The following DEAF1 variants were observed in gnomAD, a reference collection of about 807,000 sequenced individuals.
The protein encoded by DEAF1 is DEAF1 transcription factor.
A neutral mutation model predicts 58.9 loss-of-function variants in DEAF1; 53 were observed. The observed-to-expected ratio is 0.90, with a 90% CI of 0.72 to 1.13. The LOEUF (loss-of-function observed/expected upper bound fraction) is 1.13, where lower values mean the gene tolerates loss of function less well. Among genes scored for constraint, DEAF1 ranks in the 50% most tolerant of loss-of-function variants. DEAF1 has a pLI of 0.00. For synonymous variants in DEAF1, 385 were observed against 340.4 expected (o/e 1.13, Z -1.44); for missense variants, 685 against 791.4 (o/e 0.87, Z 1.61).
At chr11:696,380 C>T (rs563781652), upstream of DEAF1, among the ~76,000 whole-genome samples, 109 of 152,300 alleles carry the variant, frequency 7.2e-4, 1 homozygote, top group Admixed American at 5.9e-3. Context: ...CGTGCGTGTT[C>T]TCTAGTAATT....
chr11:697,667 G>C (rs1476609891), upstream of DEAF1: 1 of 152,222 alleles, frequency 6.6e-6, no homozygotes, highest in African/African-American at 2.4e-5. Context: ...CCCAATTAAT[G>C]CGAAATCATC....
intron 1 of DEAF1, chr11:692,452 G>C (rs1390236752): frequency 2.6e-5 from 4 of 153,976 alleles, no homozygotes; most frequent in African/African-American, 9.6e-5. Flanking sequence ...GTTCTAGAAT[G>C]TCCTGTGTCC....
chr11:701,004 C>T (rs1861432072), intron 1 of DEAF1: 1 of 469,352 alleles, frequency 2.1e-6, no homozygotes, highest in African/African-American at 2.0e-5. Flanking sequence ...CCCACCACCA[C>T]ATCTGGAGCT....
upstream of DEAF1, chr11:697,802 C>CT (rs1175300024): frequency 2.6e-5 from 4 of 152,426 alleles, no homozygotes; most frequent in East Asian, 7.7e-4. Flanking sequence ...TGGCTTCCTG[C>CT]TTCCATCCTG....
intron 10 of DEAF1, among the ~76,000 whole-genome samples, chr11:656,575 C>T (rs1647674134): frequency 6.6e-6 from 1 of 152,212 alleles, no homozygotes; most frequent in South Asian, 2.1e-4. Context: ...CCAGGCAGGA[C>T]CCTGGTCCAG....
Position 703,570 on chromosome 11 carries a change from T to C in DEAF1, c.-438+3002A>G, listed in dbSNP as rs564837390. On this transcript the variant is annotated intron_variant, in intron 1 of 11. Transcript: ENST00000683307. ...CCCTAGTTCCCCAATGGTCCTAATT[T>C]GTGTTCTGAGATCCCAGTTTACTCC... 6,213 of 1,233,502 alleles carry C rather than the reference T, an allele frequency of 5.0e-3. 19 individuals carry two copies. The highest frequency in any genetic ancestry group is 5.6e-3 in the Non-Finnish European group (5,518 of 989,108). 76.4% of individuals were successfully genotyped at this position (1,233,502 alleles called of 1,614,324 possible).
At chr11:701,960 A>G (rs1389051436) in intron 1 of DEAF1, among the ~76,000 whole-genome samples, 2 of 152,178 alleles carry the variant, frequency 1.3e-5, no homozygotes, top group African/African-American at 4.8e-5. Context: ...TGGTCGTAAC[A>G]TGTGCACCTA....
chr11:644,968 G>T lies in DEAF1; in HGVS notation c.1594-314C>A, dbSNP rs1858417083. Reference sequence around the variant, plus strand: ...CCCTGAGGTCAGGAGTTCGAGACCAGCCTGGCCAACATGGTGAAACCCCGT... The same window carrying T: ...CCCTGAGGTCAGGAGTTCGAGACCATCCTGGCCAACATGGTGAAACCCCGT... On this transcript the variant is annotated intron_variant, in intron 11 of 11. Transcript: ENST00000382409. This position sits in a 1 kb window ranked among gnomAD's most constrained non-coding sequence, Gnocchi z 4.3. Among the ~76,000 whole-genome samples the T allele has an allele frequency of 6.6e-6, 1 of 152,108 alleles. No individual in the cohort carries two copies. The highest frequency in any genetic ancestry group is 2.4e-5 in the African/African-American group (1 of 41,434).
intron 10 of DEAF1, chr11:654,695 C>G (rs1858963222): frequency 4.5e-6 from 2 of 449,198 alleles, no homozygotes; most frequent in African/African-American, 2.0e-5. Context: ...GTTGCGAAAC[C>G]CAGTCTCTAC....
At chr11:682,949 C>T (rs1283187275) in intron 6 of DEAF1, among the ~76,000 whole-genome samples, 1 of 152,120 alleles carries the variant, frequency 6.6e-6, no homozygotes, top group Non-Finnish European at 1.5e-5. Flanking sequence ...TTGGTCACAA[C>T]CACCCACAAT....
intron 1 of DEAF1, chr11:702,967 G>A: frequency 1.2e-6 from 2 of 1,609,964 alleles, no homozygotes; most frequent in Non-Finnish European, 1.7e-6. Context: ...ACCTGACAGA[G>A]GCTGAGAGGC....
At chr11:647,771 T>C (rs1858567817) in intron 11 of DEAF1, among the ~76,000 whole-genome samples, 1 of 152,156 alleles carries the variant, frequency 6.6e-6, no homozygotes, top group South Asian at 2.1e-4. Context: ...AAGAAAAGTG[T>C]TGCCACCACA....
At chr11:654,485 G>A (rs1010709076) in intron 10 of DEAF1, 31 of 454,760 alleles carry the variant, frequency 6.8e-5, no homozygotes, top group African/African-American at 5.7e-4. Flanking sequence ...TCTTGACTGC[G>A]CCTCTGCCCC....
chr11:704,675 G>A, intron 1 of DEAF1: 1 of 1,282,396 alleles, frequency 7.8e-7, no homozygotes, highest in Non-Finnish European at 1.0e-6. Context: ...GTCTCAGCGA[G>A]CACACAAAGG....
chr11:698,946 A>T, upstream of DEAF1: 2 of 1,608,366 alleles, frequency 1.2e-6, no homozygotes, highest in Admixed American at 3.3e-5. Context: ...GCTGCTGCAC[A>T]GAGAGCACTC....
At chr11:669,873 T>G (rs931289179) in intron 10 of DEAF1, among the ~76,000 whole-genome samples, 6 of 134,242 alleles carry the variant, frequency 4.5e-5, no homozygotes, top group Non-Finnish European at 9.1e-5. Flanking sequence ...AAGGCTACAG[T>G]GAGCCGAGAT....
At chr11:680,345 C>A (rs1434818304) in intron 7 of DEAF1, among the ~76,000 whole-genome samples, 3 of 152,182 alleles carry the variant, frequency 2.0e-5, no homozygotes, top group Non-Finnish European at 2.9e-5. Context: ...TTAGAAAGAC[C>A]TTACTCTATA....
In DEAF1 at chr11:674,721, C is replaced by G. The variant is rs149746031; in HGVS notation, c.1318G>C (p.Ala440Pro). ...GACAGCTCCAGCCCATTGACCAACGCGGGAGGTGCCGCTTTGGTGGGAGTC... is the reference window on the plus strand; with the variant it reads ...GACAGCTCCAGCCCATTGACCAACGGGGGAGGTGCCGCTTTGGTGGGAGTC... The part of the protein sequence containing the change: ...PPTPTKAAPP[A>P]LVNGLELSEP... Residue 440 changes from alanine (A) to proline (P), a missense_variant, in exon 10 of 12, where the codon GCG becomes CCG. By Grantham distance (27) the Ala-to-Pro change is conservative. Transcript: ENST00000382409. 6.8e-6 allele frequency: 11 copies of G among 1,613,888 alleles called. No individual in the cohort carries two copies. The highest frequency in any genetic ancestry group is 9.3e-6 in the Non-Finnish European group (11 of 1,180,032).
At chr11:678,367 C>T (rs990182458) in intron 9 of DEAF1, 1 of 368,250 alleles carries the variant, frequency 2.7e-6, no homozygotes, top group Non-Finnish European at 5.2e-6. Flanking sequence ...AGACCTGCCA[C>T]TGGGGAGTGT....
Sources: allele counts gnomAD v4.1 joint callset (sites outside exome capture counted in the v4.1 genomes callset), GRCh38; gene constraint gnomAD v4.1.1; non-coding constraint Gnocchi (gnomAD v3.1); transcripts MANE v1.5; gene names NCBI Gene and HGNC (gene_info 2026-07-23, HGNC 2026-07-21).